Variants in SUN1 observed in about 807,000 individuals in gnomAD.
SUN1 encodes the protein SUN domain-containing protein 1.
In SUN1, 61 loss-of-function variants were observed where a neutral mutation model predicts 103.2. The ratio of observed to expected loss-of-function variants is 0.59; its 90% CI spans 0.48 to 0.73. The LOEUF (loss-of-function observed/expected upper bound fraction) is 0.73, where lower values mean the gene tolerates loss of function less well. SUN1 is among the 30% of genes least tolerant of loss of function. SUN1 has a pLI of 0.00. For missense variants in SUN1, 1,052 were observed against 1,034.6 expected, an observed-to-expected ratio of 1.02 and a Z score of -0.23; for synonymous variants, 490 against 425.7, an observed-to-expected ratio of 1.15 and a Z score of -1.86.
rs1012769408 is a variant in SUN1 at position 865,831 on chromosome 7, A to T, written c.1865-121A>T. The T allele has an allele frequency of 4.1e-5, 31 of 747,308 alleles. No individual in the cohort carries two copies. In the Admixed American group the frequency reaches 6.7e-4, roughly 16 times the overall value. 46.3% of individuals were successfully genotyped at this position (747,308 alleles called of 1,614,324 possible). A position where few individuals can be genotyped will look rare whatever the true frequency, so the allele number is the denominator to read the frequency against. On this transcript the variant is annotated intron_variant, in intron 15 of 18. Transcript: ENST00000401592. ...TGTAGTTTTTACTTGCATTTCTCTG[A>T]ATATCAGTGATGTCGAGCACTTTTC...
Position 842,052 on chromosome 7 carries a change from C to T in SUN1, c.373C>T (p.Gln125Ter), listed in dbSNP as rs1482223758. The stretch of plus-strand genomic sequence containing the variant: ...CAGCCACGGCGGCACTGTCAGCCTG[C>T]AGGATGCTGTGACTCGACGGCCTCC... Reference protein sequence around the residue: ...GVSHGGTVSLQDAVTRRPPVL... With the variant: ...GVSHGGTVSL Residue 125 changes from glutamine to a stop codon, truncating the protein, a stop_gained, in exon 3 of 19, where the codon CAG (glutamine) becomes TAG (stop). Transcript: ENST00000401592. LOFTEE classifies it high-confidence loss of function. 6.2e-7 allele frequency: 1 copy of T among 1,614,214 alleles called. No homozygotes were observed. The highest frequency in any genetic ancestry group is 8.5e-7 in the Non-Finnish European group (1 of 1,180,052).
chr7:860,889 C>A (rs764901880), intron 14 of SUN1, among the ~76,000 whole-genome samples: 1 of 152,110 alleles, frequency 6.6e-6, no homozygotes, highest in African/African-American at 2.4e-5. Flanking sequence ...TCAGATCTCC[C>A]GAGACTATCA....
chr7:817,386 T>C, intron 1 of SUN1: 1 of 1,533,760 alleles, frequency 6.5e-7, no homozygotes, highest in Non-Finnish European at 8.7e-7. Context: ...CTGTTGCGCC[T>C]TCAAAGTGCC....
intron 17 of SUN1, among the ~76,000 whole-genome samples, chr7:871,483 G>A (rs1158086657): frequency 6.6e-6 from 1 of 152,138 alleles, no homozygotes; most frequent in East Asian, 1.9e-4. Context: ...CGCCTCCCGG[G>A]TTCAAGCGAT....
At position 818,516 on chromosome 7, in the gene SUN1, TTTTG is replaced by T. The variant is rs1171646238; in HGVS notation, c.-74+1848_-74+1851del. On this transcript the variant is annotated intron_variant, in intron 1 of 17. Coordinates refer to the SUN1 transcript ENST00000389574. ...CTACTATGAACATTTGTGGATGAGT[TTTTG>T]TTTGAGCATCTGTTTTCAATTCTTT... 2.6e-5 allele frequency among the ~76,000 whole-genome samples: 4 copies of T among 152,320 alleles called. No individual in the cohort carries two copies. The South Asian group carries it at 8.3e-4, about 32-fold the overall frequency.
At chr7:849,419 A>G in intron 5 of SUN1, 1 of 882,028 alleles carries the variant, frequency 1.1e-6, no homozygotes. Context: ...GGAAGTGGCT[A>G]GCCTTGCACA....
At chr7:823,784 C>T (rs781255233) in intron 1 of SUN1, among the ~76,000 whole-genome samples, 4 of 151,686 alleles carry the variant, frequency 2.6e-5, no homozygotes, top group East Asian at 3.9e-4. Flanking sequence ...CATGTCAGGG[C>T]GGGAATGGAG....
intron 1 of SUN1, among the ~76,000 whole-genome samples, chr7:818,902 C>G (rs1011230060): frequency 4.0e-5 from 6 of 149,764 alleles, no homozygotes; most frequent in African/African-American, 4.9e-5. Flanking sequence ...TTCGCTCTGT[C>G]GCCCAGGCTG....
rs770134795 is a variant in SUN1 at position 872,582 on chromosome 7, C to T, written c.2241+20C>T. ...GCCCTGGTAAGAACTGGGACTGGCA[C>T]TGCCTGGGGTCTCTGAGTCCCACAA... On this transcript the variant is annotated intron_variant, in intron 18 of 18. Transcript: ENST00000401592. 1.3e-6 allele frequency: 2 copies of T among 1,556,044 alleles called. No individual in the cohort carries two copies. Among genetic ancestry groups the T allele is most frequent in the Non-Finnish European group, 1.7e-6 (2 of 1,146,472 alleles).
chr7:860,068 C>G, intron 13 of SUN1, 60 bp from the exon 14 acceptor site: 3 of 1,587,410 alleles, frequency 1.9e-6, no homozygotes, highest in South Asian at 1.1e-5. Flanking sequence ...ATAATGGACC[C>G]GAACAGTGGA....
chr7:822,894 A>G (rs971530963), intron 1 of SUN1, among the ~76,000 whole-genome samples: 14 of 151,996 alleles, frequency 9.2e-5, no homozygotes, highest in South Asian at 2.1e-4. Context: ...ATTCCCGCAC[A>G]CACACGGCCC....
intron 9 of SUN1, 168 bp downstream of exon 9, chr7:853,120 C>A: frequency 2.2e-6 from 2 of 910,458 alleles, no homozygotes; most frequent in Admixed American, 3.0e-5. Flanking sequence ...TAGGATAGTT[C>A]AAATGCACAT....
chr7:871,845 G>A (rs187079765), intron 17 of SUN1, among the ~76,000 whole-genome samples: 12 of 152,292 alleles, frequency 7.9e-5, no homozygotes, highest in Admixed American at 1.3e-4. Flanking sequence ...TCTCTGACTC[G>A]GATAAAAGAT....
Position 872,514 on chromosome 7 carries a change from G to C in SUN1, c.2193G>C (p.Gln731His). 1 of 1,604,390 alleles carries C rather than the reference G, an allele frequency of 6.2e-7. No homozygotes were observed. The highest frequency in any genetic ancestry group is 8.5e-7 in the Non-Finnish European group (1 of 1,175,310). Reference protein sequence around the residue: ...EYQEEGQLLGQFTYDQDGESL... With the variant: ...EYQEEGQLLGHFTYDQDGESL... Reference sequence around the variant, plus strand: ...AGGAAGAAGGGCAGCTTCTGGGACAGTTCACGTATGATCAGGATGGGGAGT... The same window carrying C: ...AGGAAGAAGGGCAGCTTCTGGGACACTTCACGTATGATCAGGATGGGGAGT... The change falls in exon 18 of 19, where the codon CAG becomes CAC. Residue 731 changes from glutamine (Q) to histidine (H), a missense_variant. By Grantham distance (24) the Gln-to-His change is conservative (BLOSUM62 0). Transcript: ENST00000401592.
rs757340477 is a variant in SUN1 at position 853,565 on chromosome 7, G to A, written c.1210G>A (p.Ala404Thr). 2.5e-5 allele frequency: 41 copies of A among 1,610,714 alleles called. No homozygotes were observed. The highest frequency in any genetic ancestry group is 1.7e-4 in the Middle Eastern group (1 of 6,026). ...QARVDQMEGG[A>T]AGPSASVRDA... is the part of the protein sequence containing the mutation. ...TCGGGTGGACCAGATGGAAGGCGGC[G>A]CTGCCGGGCCGTCAGCTTCGGTCAG... Residue 404 changes from alanine (A) to threonine (T), a missense_variant, in exon 10 of 19, where the codon GCT becomes ACT. Ala to Thr is a moderately conservative substitution (Grantham distance 58). Transcript: ENST00000401592.
intron 1 of SUN1, among the ~76,000 whole-genome samples, chr7:819,952 C>T (rs1784460161): frequency 6.6e-6 from 1 of 152,152 alleles, no homozygotes; most frequent in African/African-American, 2.4e-5. Flanking sequence ...ATGATCTGCC[C>T]ACCTCGGCCT....
intron 13 of SUN1, among the ~76,000 whole-genome samples, chr7:858,839 A>G (rs1160642893): frequency 1.3e-5 from 2 of 152,226 alleles, no homozygotes; most frequent in African/African-American, 2.4e-5. Context: ...ATGGGTAGGA[A>G]GAGAAGCAGT....
intron 13 of SUN1, 37 bp downstream of exon 13, chr7:857,994 A>G (rs755188671): frequency 2.0e-6 from 3 of 1,512,096 alleles, no homozygotes; most frequent in Admixed American, 4.5e-5. Flanking sequence ...GTTTTATAAT[A>G]GAAAGTAAAA....
intron 15 of SUN1, among the ~76,000 whole-genome samples, chr7:865,183 G>A (rs183460914): frequency 2.6e-4 from 39 of 152,202 alleles, no homozygotes; most frequent in African/African-American, 7.5e-4. Context: ...AGTCAGTGAC[G>A]TGATCTCGGC....
Sources: gnomAD v4.1 joint callset for allele counts (sites outside exome capture counted in the v4.1 genomes callset) on GRCh38, gnomAD v4.1.1 for gene constraint, MANE v1.5 for transcripts, NCBI Gene and HGNC (gene_info 2026-07-23, HGNC 2026-07-21) for gene names.